BAHCC1: variants seen among roughly 807,000 people sequenced by gnomAD.
The protein encoded by BAHCC1 is BAH and coiled-coil domain-containing protein 1.
Under a neutral mutation model 88.2 loss-of-function variants are expected in BAHCC1, and 43 were observed. The ratio of observed to expected loss-of-function variants is 0.49; its 90% CI spans 0.38 to 0.63. The LOEUF (loss-of-function observed/expected upper bound fraction) is 0.63. BAHCC1 is among the 20% of genes least tolerant of loss of function. The probability of loss-of-function intolerance (pLI) is 0.00; values close to 1 mark genes in which losing one functional copy is unlikely to be tolerated. For missense variants in BAHCC1, 3,023 were observed against 1,654.8 expected (o/e 1.83, Z -14.34); for synonymous variants, 1,510 against 745.5 (o/e 2.03, Z -16.71).
Position 81,456,563 on chromosome 17 carries a change from C to T in BAHCC1, c.4836C>T (p.Ser1612=), listed in dbSNP as rs556070690. 9.9e-6 allele frequency: 7 copies of T among 707,740 alleles called. No individual in the cohort carries two copies. The highest frequency in any genetic ancestry group is 1.8e-5 in the African/African-American group (1 of 56,716). 43.8% of individuals were successfully genotyped at this position (707,740 alleles called of 1,614,324 possible). ...RETPRCPAQP[S]VAASQEAGSG... The stretch of plus-strand genomic sequence containing the variant: ...CACCCAGGTGCCCAGCCCAGCCCTC[C>T]GTGGCTGCGTCCCAGGAGGCAGGCA... Residue 1612 remains serine, a synonymous_variant, in exon 16 of 28, where the codon TCC becomes TCT. Coordinates refer to ENST00000675386, the MANE Select transcript of BAHCC1 (RefSeq NM_001377448.1).
rs2064505889 is a variant in BAHCC1, at chr17:81,445,413, G to C, written c.2895G>C (p.Lys965Asn). The C allele has an allele frequency of 2.6e-6, 2 of 776,444 alleles. No individual in the cohort carries two copies. Among genetic ancestry groups the C allele is most frequent in the Non-Finnish European group, 4.8e-6 (2 of 416,976 alleles). 48.1% of individuals were successfully genotyped at this position (776,444 alleles called of 1,614,324 possible). ...AGCCCGCCCAGGAGAAGGCCCCAAA[G>C]TCCACCCACAAGCCAGTTGCCTTAA... ...LEEPAQEKAPKSTHKPVALTP... is the reference protein window; with the variant it reads ...LEEPAQEKAPNSTHKPVALTP... Residue 965 changes from lysine to asparagine, a missense_variant, in exon 10 of 28, where the codon AAG (lysine) becomes AAC (asparagine). Lys to Asn is a moderately conservative substitution (Grantham distance 94). Transcript: ENST00000675386.
intron 1 of BAHCC1, among the ~76,000 whole-genome samples, chr17:81,398,933 TAA>T (rs551129478): frequency 1.5e-5 from 2 of 136,180 alleles, no homozygotes; most frequent in African/African-American, 2.7e-5. Flanking sequence ...GGAAGGTTAT[TAA>T]AAAAAAAAAA....
rs1294273833 is a variant in BAHCC1, at chr17:81,457,505, G to A, written c.4954G>A (p.Ala1652Thr). 1.3e-6 allele frequency: 1 copy of A among 759,594 alleles called. No individual in the cohort carries two copies. The highest frequency in any genetic ancestry group is 1.7e-5 in the African/African-American group (1 of 58,880). The allele number at this position is 759,594 out of a possible 1,614,324, so 47.1% of individuals were successfully genotyped here. ...GCTGCTGCACACCGGGGCCAGTGTG[G>A]CCGTGCTGGGGCCCTCACCCTCCTC... is the stretch of plus-strand genomic sequence containing the variant. ...GLLLHTGASVAVLGPSPSSVV... is the reference protein window; with the variant it reads ...GLLLHTGASVTVLGPSPSSVV... The change falls in exon 17 of 28, where the codon GCC (alanine) becomes ACC (threonine). Residue 1652 changes from alanine (A) to threonine (T), a missense_variant. Physicochemically the swap from Ala to Thr is moderately conservative, Grantham distance 58. Coordinates refer to ENST00000675386, the MANE Select transcript of BAHCC1 (RefSeq NM_001377448.1).
chr17:81,461,758 C>G lies in BAHCC1; in HGVS notation c.7095C>G (p.Pro2365=). The part of the protein sequence containing the change: ...ALLLQTCLTH[P]VPTLLAQPEA... Reference sequence around the variant, plus strand: ...TGCTGCAGACCTGCCTCACCCACCCCGTGCCCACCCTCCTGGCCCAGCCCG... The same window carrying G: ...TGCTGCAGACCTGCCTCACCCACCCGGTGCCCACCCTCCTGGCCCAGCCCG... The change falls in exon 26 of 28, where the codon CCC becomes CCG. Residue 2365 remains proline, a synonymous_variant. Transcript: ENST00000675386. 1.4e-6 allele frequency: 1 copy of G among 717,558 alleles called. No homozygotes were observed. The highest frequency in any genetic ancestry group is 2.6e-6 in the Non-Finnish European group (1 of 385,146). 44.4% of individuals were successfully genotyped at this position (717,558 alleles called of 1,614,324 possible).
Position 81,443,341 on chromosome 17 carries a change from G to T in BAHCC1, c.1992G>T (p.Gln664His). The T allele has an allele frequency of 2.6e-6, 2 of 779,010 alleles. No individual in the cohort carries two copies. The allele number at this position is 779,010 out of a possible 1,614,324, so 48.3% of individuals were successfully genotyped here. Residue 664 changes from glutamine (Q) to histidine (H), a missense_variant, in exon 5 of 28, where the codon CAG (glutamine) becomes CAT (histidine). Transcript: ENST00000675386. ...GLGGLKASCI[Q>H]QEAKFLSSKG... ...GTGGCCTCAAGGCCAGCTGCATCCA[G>T]CAGGAAGCAAAGTTCCTGTCCTCTA...
At position 81,434,444 on chromosome 17, in the gene BAHCC1, A is replaced by C. The variant is rs2143461450; in HGVS notation, c.359-3926A>C. ...CAGGATGGTGGGGTGTCCGCTGTAG[A>C]AGGTTTTGTCCTCAAAGGCGTGCGG... On this transcript the variant is annotated intron_variant, in intron 3 of 27. Transcript: ENST00000675386. This position sits in a 1 kb window ranked among gnomAD's most constrained non-coding sequence, Gnocchi z 4.9. Among the ~76,000 whole-genome samples, 1 of 152,254 alleles carries C rather than the reference A, an allele frequency of 6.6e-6. No individual in the cohort carries two copies.
At chr17:81,403,841 G>A (rs1353196462) in intron 2 of BAHCC1, among the ~76,000 whole-genome samples, 1 of 152,094 alleles carries the variant, frequency 6.6e-6, no homozygotes, top group Non-Finnish European at 1.5e-5. Flanking sequence ...GACCGGCGGC[G>A]GTGGCCCGCC....
At chr17:81,415,015 G>T (rs540472019) in intron 2 of BAHCC1, among the ~76,000 whole-genome samples, 2 of 152,196 alleles carry the variant, frequency 1.3e-5, no homozygotes, top group African/African-American at 4.8e-5. Flanking sequence ...GCCAGCAGCC[G>T]TGCACTCTGC....
Position 81,464,168 on chromosome 17 carries a change from A to T in BAHCC1, c.*351A>T. ...ACCTCCGACTGTCTCCCACCAGGGA[A>T]AGCAGAAATCAGGTGTGTTGTCTAT... On this transcript the variant is annotated 3_prime_UTR_variant, in exon 28 of 28. Coordinates refer to ENST00000675386, the MANE Select transcript of BAHCC1 (RefSeq NM_001377448.1). 2.6e-6 allele frequency: 1 copy of T among 377,618 alleles called. No homozygotes were observed. The highest frequency in any genetic ancestry group is 3.4e-5 in the South Asian group (1 of 29,368). 23.4% of individuals were successfully genotyped at this position (377,618 alleles called of 1,614,324 possible).
chr17:81,403,696 G>T (rs1036034595), intron 2 of BAHCC1, among the ~76,000 whole-genome samples: 25 of 152,170 alleles, frequency 1.6e-4, no homozygotes, highest in Admixed American at 1.6e-3. Flanking sequence ...GCAACAGTTA[G>T]CAACATTAAG....
intron 14 of BAHCC1, among the ~76,000 whole-genome samples, chr17:81,453,092 G>A (rs781868640): frequency 4.6e-5 from 7 of 152,136 alleles, no homozygotes; most frequent in Non-Finnish European, 8.8e-5. Context: ...GTCCCCCTCT[G>A]GAAGTCACGG....
At position 81,399,619 on chromosome 17, in the gene BAHCC1, C is replaced by A. The variant is rs1246789850; in HGVS notation, c.-121C>A. ...CCTCCCGCGTGCTGACCGGCCCCGC[C>A]GCCACCACCGCCTGTGACCCCGGAC... On this transcript the variant is annotated 5_prime_UTR_variant, in exon 2 of 28. Coordinates refer to ENST00000675386, the MANE Select transcript of BAHCC1 (RefSeq NM_001377448.1). The surrounding 1 kb of genome is among the most constrained non-coding windows in gnomAD (Gnocchi z 4.5). 1.6e-6 allele frequency: 1 copy of A among 631,262 alleles called. No individual in the cohort carries two copies. The highest frequency in any genetic ancestry group is 2.2e-6 in the Non-Finnish European group (1 of 447,878). 39.1% of individuals were successfully genotyped at this position (631,262 alleles called of 1,614,324 possible).
intron 2 of BAHCC1, among the ~76,000 whole-genome samples, chr17:81,414,969 G>A (rs895096459): frequency 2.6e-5 from 4 of 152,136 alleles, no homozygotes; most frequent in Admixed American, 1.3e-4. Context: ...TACTATCCTC[G>A]CCAGCAGCTG....
rs1208088137 is a variant in BAHCC1, at chr17:81,426,990, G to A, written c.358+11G>A. On this transcript the variant is annotated intron_variant, in intron 3 of 27. Transcript: ENST00000675386. ...CCCACTCCCACGAAGGTAAGTTGGC[G>A]GACTGGGCTCCCAGCGACACCCTGG... The A allele has an allele frequency of 2.5e-5, 10 of 398,464 alleles. No individual in the cohort carries two copies. Among genetic ancestry groups the A allele is most frequent in the South Asian group, 1.3e-4 (1 of 7,870 alleles). 24.7% of individuals were successfully genotyped at this position (398,464 alleles called of 1,614,324 possible).
In BAHCC1 at chr17:81,462,641, C is replaced by T. The variant is rs548800072; in HGVS notation, c.7384-99C>T. The T allele has an allele frequency of 1.5e-4, 101 of 657,570 alleles. No homozygotes were observed. In the African/African-American group the frequency reaches 1.7e-3, roughly 11 times the overall value. The allele number at this position is 657,570 out of a possible 1,614,324, so 40.7% of individuals were successfully genotyped here. Reference sequence around the variant, plus strand: ...CGCCCTGCACACTCACACTCAGACTCACACTCACACCCACACCACACCCTC... The same window carrying T: ...CGCCCTGCACACTCACACTCAGACTTACACTCACACCCACACCACACCCTC... On this transcript the variant is annotated intron_variant, in intron 26 of 27. Transcript: ENST00000675386.
chr17:81,399,149 G>GTGTA lies in BAHCC1; in HGVS notation c.-206-382_-206-381insATGT. ...TGTGAGTGTGTGTGTGTGTGTGTGTGTGTGCGAGTGTGCGTGATGGCTTCG... is the reference window on the plus strand; with the variant it reads ...TGTGAGTGTGTGTGTGTGTGTGTGTGTGTATGTGCGAGTGTGCGTGATGGCTTCG... On this transcript the variant is annotated intron_variant, in intron 1 of 27. Transcript: ENST00000675386. The surrounding 1 kb of genome is among the most constrained non-coding windows in gnomAD (Gnocchi z 4.5). 2.6e-6 allele frequency: 1 copy of GTGTA among 385,594 alleles called. No individual in the cohort carries two copies. Among genetic ancestry groups the GTGTA allele is most frequent in the Non-Finnish European group, 5.2e-6 (1 of 190,630 alleles). The allele number at this position is 385,594 out of a possible 1,614,324, so 23.9% of individuals were successfully genotyped here. A position where few individuals can be genotyped will look rare whatever the true frequency, so the allele number is the denominator to read the frequency against.
intron 2 of BAHCC1, among the ~76,000 whole-genome samples, chr17:81,403,562 A>ATT (rs1234374341): frequency 1.3e-5 from 2 of 152,038 alleles, no homozygotes; most frequent in African/African-American, 2.4e-5. Context: ...AAAAAAGATA[A>ATT]TTTCCTAGTG....
intron 11 of BAHCC1, among the ~76,000 whole-genome samples, chr17:81,449,254 G>A (rs2064588974): frequency 1.3e-5 from 2 of 152,142 alleles, no homozygotes; most frequent in Non-Finnish European, 2.9e-5. Flanking sequence ...CTGCCCTCCG[G>A]GTCTCCACCT....
At position 81,461,309 on chromosome 17, in the gene BAHCC1, A is replaced by G; in HGVS notation, c.6646A>G (p.Thr2216Ala). The G allele has an allele frequency of 1.4e-6, 1 of 717,960 alleles. No homozygotes were observed. The highest frequency in any genetic ancestry group is 2.6e-6 in the Non-Finnish European group (1 of 389,898). 44.5% of individuals were successfully genotyped at this position (717,960 alleles called of 1,614,324 possible). A position where few individuals can be genotyped will look rare whatever the true frequency, so the allele number is the denominator to read the frequency against. ...GGTCAAGCTGGACCACGAGGGTGTG[A>G]CCTCCCCCAAGAACAAGACCTGCAA... is the stretch of plus-strand genomic sequence containing the variant. ...FLVKLDHEGV[T>A]SPKNKTCKAL... Residue 2216 changes from threonine to alanine, a missense_variant, in exon 26 of 28, where the codon ACC (threonine) becomes GCC (alanine). Transcript: ENST00000675386.
Sources: allele counts gnomAD v4.1 joint callset (sites outside exome capture counted in the v4.1 genomes callset), GRCh38; gene constraint gnomAD v4.1.1; non-coding constraint Gnocchi (gnomAD v3.1); transcripts MANE v1.5; gene names NCBI Gene and HGNC (gene_info 2026-07-23, HGNC 2026-07-21).